Variants in SPON2 observed in about 807,000 individuals in gnomAD.
The protein encoded by SPON2 is spondin-2.
Under a neutral mutation model 29.9 loss-of-function variants are expected in SPON2, and 32 were observed. That is an observed-to-expected ratio of 1.07 (90% CI 0.81 to 1.44). SPON2 has a LOEUF of 1.44. SPON2 is among the 40% of genes most tolerant of loss of function. SPON2 has a pLI of 0.00. For synonymous variants in SPON2, 248 were observed against 209.1 expected (o/e 1.19, Z -1.61); for missense variants, 541 against 455.5 (o/e 1.19, Z -1.71).
At chr4:1,170,345 GC>G in intron 5 of SPON2, 56 bp downstream of exon 5, 1 of 1,540,872 alleles carries the variant, frequency 6.5e-7, no homozygotes, top group Non-Finnish European at 8.8e-7. Context: ...TTTGGTGGTC[GC>G]CCTGTGGCAG....
At chr4:1,177,342 G>C (rs1266258006), upstream of SPON2, among the ~76,000 whole-genome samples, 1 of 152,232 alleles carries the variant, frequency 6.6e-6, no homozygotes, top group Non-Finnish European at 1.5e-5. Context: ...CACTCCCAGG[G>C]TGTTGGCAAT....
At chr4:1,195,952 T>C (rs980286909), upstream of SPON2, among the ~76,000 whole-genome samples, 1 of 152,182 alleles carries the variant, frequency 6.6e-6, no homozygotes, top group African/African-American at 2.4e-5. Context: ...GTTGAGTTGG[T>C]GACTTCGCCT....
chr4:1,185,613 CAGG>C (rs1727777482), intron 1 of SPON2, among the ~76,000 whole-genome samples: 1 of 146,208 alleles, frequency 6.8e-6, no homozygotes, highest in East Asian at 2.1e-4. Context: ...GAGGCTGAGG[CAGG>C]AGAATTTCTT....
intron 1 of SPON2, among the ~76,000 whole-genome samples, chr4:1,193,290 GTC>G (rs1251881429): frequency 2.6e-5 from 4 of 152,148 alleles, no homozygotes; most frequent in Non-Finnish European, 5.9e-5. Flanking sequence ...CCCTGTCCCA[GTC>G]TCTGCCCAGG....
At chr4:1,174,503 C>CA (rs1342876561), upstream of SPON2, among the ~76,000 whole-genome samples, 1 of 124,712 alleles carries the variant, frequency 8.0e-6, no homozygotes, top group Non-Finnish European at 1.7e-5. Flanking sequence ...AAAAAAAAAA[C>CA]AAAAAAACAA....
intron 1 of SPON2, among the ~76,000 whole-genome samples, chr4:1,186,099 C>T (rs992071464): frequency 8.8e-5 from 13 of 148,550 alleles, no homozygotes; most frequent in African/African-American, 1.9e-4. Context: ...AAAAAATTAG[C>T]CGGGCGTGGT....
chr4:1,180,321 C>T (rs1727681492), intron 1 of SPON2, among the ~76,000 whole-genome samples: 1 of 152,120 alleles, frequency 6.6e-6, no homozygotes, highest in East Asian at 1.9e-4. Context: ...GACTTAGTGG[C>T]CACACATGGT....
intron 1 of SPON2, chr4:1,201,429 A>G (rs1422593464): frequency 4.1e-6 from 1 of 243,988 alleles, no homozygotes; most frequent in Admixed American, 5.1e-5. Flanking sequence ...GCTATCAGGA[A>G]CAGCCCCCAA....
At chr4:1,169,862 T>C (rs11731643) in intron 5 of SPON2, 32,933 of 160,574 alleles carry the variant, frequency 0.21, 3,886 homozygotes, top group African/African-American at 0.33. Context: ...CCCAGCTGAG[T>C]AGGGAGGGAA....
chr4:1,201,891 C>T (rs371487010), intron 1 of SPON2, among the ~76,000 whole-genome samples: 3 of 152,190 alleles, frequency 2.0e-5, no homozygotes, highest in African/African-American at 7.2e-5. Flanking sequence ...CCGGTGCTGC[C>T]TTCTTGAGCC....
At chr4:1,207,152 C>T (rs1728362091) in intron 1 of SPON2, among the ~76,000 whole-genome samples, 1 of 152,020 alleles carries the variant, frequency 6.6e-6, no homozygotes, top group South Asian at 2.1e-4. Flanking sequence ...CCTGGGACGC[C>T]AGGGCTGCTG....
chr4:1,167,222 G>C lies in SPON2; in HGVS notation c.*250C>G. ...TTGGGGATGACTTTATCCTGCAGGA[G>C]GAGGAGGCTGAGAGCAGACGGGACA... On this transcript the variant is annotated 3_prime_UTR_variant, in exon 6 of 6. Coordinates refer to ENST00000290902, the MANE Select transcript of SPON2 (RefSeq NM_012445.4). The C allele has an allele frequency of 2.1e-6, 1 of 482,146 alleles. No individual in the cohort carries two copies. The highest frequency in any genetic ancestry group is 3.7e-6 in the Non-Finnish European group (1 of 271,114). 29.9% of individuals were successfully genotyped at this position (482,146 alleles called of 1,614,324 possible).
rs953431734 is a variant in SPON2 at position 1,170,580 on chromosome 4, G to A, written c.637-4C>T. The A allele has an allele frequency of 1.9e-6, 3 of 1,604,628 alleles. No homozygotes were observed. The East Asian group carries it at 6.7e-5, about 36-fold the overall frequency. ...GGCTGGGAGAGGAGGACGTTATCTG[G>A]GGAGGAAGAAGAGGAGGTTGGCCTG... On this transcript the variant is annotated splice_region_variant and splice_polypyrimidine_tract_variant and intron_variant, in intron 4 of 5. Coordinates refer to ENST00000290902, the MANE Select transcript of SPON2 (RefSeq NM_012445.4).
chr4:1,181,033 C>T (rs1234668093), intron 1 of SPON2, among the ~76,000 whole-genome samples: 3 of 152,126 alleles, frequency 2.0e-5, no homozygotes, highest in Admixed American at 6.6e-5. Flanking sequence ...ATCCAATAAG[C>T]TCAACCAATT....
At chr4:1,191,625 C>T (rs541178391) in intron 1 of SPON2, among the ~76,000 whole-genome samples, 70 of 152,242 alleles carry the variant, frequency 4.6e-4, no homozygotes, top group Non-Finnish European at 7.9e-4. Context: ...GGGATGATGG[C>T]GCCCCTCCTC....
At chr4:1,183,225 A>G (rs1303592388) in intron 1 of SPON2, among the ~76,000 whole-genome samples, 1 of 139,284 alleles carries the variant, frequency 7.2e-6, no homozygotes, top group African/African-American at 2.7e-5. Context: ...CTGGGCAACA[A>G]GAGTGAAACT....
At chr4:1,206,770 A>ACAAACCCCAGTCTAAGG (rs1728351970) in intron 1 of SPON2, among the ~76,000 whole-genome samples, 1 of 151,700 alleles carries the variant, frequency 6.6e-6, no homozygotes, top group South Asian at 2.1e-4. Flanking sequence ...GCAGCAGAGA[A>ACAAACCCCAGTCTAAGG]CAAACCCCAG....
At chr4:1,174,976 A>G (rs1037856257), upstream of SPON2, among the ~76,000 whole-genome samples, 21 of 152,190 alleles carry the variant, frequency 1.4e-4, no homozygotes, top group Non-Finnish European at 3.1e-4. Context: ...CCCTCATGCA[A>G]TGGGCTTCGA....
At chr4:1,170,673 G>A (rs73067776) in intron 4 of SPON2, 97 bp from the exon 5 acceptor site, 166,021 of 1,373,420 alleles carry the variant, frequency 0.12, 11,932 homozygotes, top group African/African-American at 0.3. Context: ...CGTCCAGCGT[G>A]CCCTCTGCAC....
Sources: gnomAD v4.1 joint callset for allele counts (sites outside exome capture counted in the v4.1 genomes callset) on GRCh38, gnomAD v4.1.1 for gene constraint, MANE v1.5 for transcripts, NCBI Gene and HGNC (gene_info 2026-07-23, HGNC 2026-07-21) for gene names.